TCERG1L: variants seen among roughly 807,000 people sequenced by gnomAD.
The protein encoded by TCERG1L is transcription elongation regulator 1-like protein.
TCERG1L carries 37 observed loss-of-function variants against 56.3 expected under a neutral mutation model. That is an observed-to-expected ratio of 0.66 (90% CI 0.51 to 0.87). TCERG1L has a LOEUF of 0.87. TCERG1L is among the 40% of genes least tolerant of loss of function. The pLI is 0.00. For missense variants in TCERG1L, 799 were observed against 774.2 expected, an observed-to-expected ratio of 1.03 and a Z score of -0.38; for synonymous variants, 324 against 326.3, an observed-to-expected ratio of 0.99 and a Z score of 0.08.
At chr10:131,269,440 A>G (rs544926095) in intron 3 of TCERG1L, among the ~76,000 whole-genome samples, 14 of 152,150 alleles carry the variant, frequency 9.2e-5, no homozygotes, top group Admixed American at 5.9e-4. Flanking sequence ...GCCCGTCTCA[A>G]CCTCCCAAAG....
At chr10:131,119,844 C>T (rs916895064) in intron 8 of TCERG1L, among the ~76,000 whole-genome samples, 1 of 152,200 alleles carries the variant, frequency 6.6e-6, no homozygotes, top group Admixed American at 6.5e-5. Context: ...CTGCAGGCTG[C>T]GAGCCAGGGA....
chr10:131,099,103 T>C (rs1589774016), intron 10 of TCERG1L, among the ~76,000 whole-genome samples: 1 of 152,284 alleles, frequency 6.6e-6, no homozygotes, highest in East Asian at 1.9e-4. Context: ...GGCCTGACCC[T>C]CGGGCACTGG....
At chr10:131,128,514 C>A (rs981194563) in intron 8 of TCERG1L, among the ~76,000 whole-genome samples, 4 of 151,936 alleles carry the variant, frequency 2.6e-5, no homozygotes, top group African/African-American at 9.7e-5. Flanking sequence ...TAACTAAAAT[C>A]GACTAAAACA....
At chr10:131,218,116 C>T (rs1465080063) in intron 4 of TCERG1L, among the ~76,000 whole-genome samples, 1 of 152,156 alleles carries the variant, frequency 6.6e-6, no homozygotes, top group African/African-American at 2.4e-5. Context: ...TGGTTGGACA[C>T]AGCCCATTTT....
intron 4 of TCERG1L, among the ~76,000 whole-genome samples, chr10:131,207,105 G>A (rs1448354905): frequency 6.6e-6 from 1 of 152,198 alleles, no homozygotes; most frequent in Non-Finnish European, 1.5e-5. Context: ...GCTGGCCACT[G>A]GCCAAGAAAG....
At chr10:131,221,799 C>T (rs1369760288) in intron 4 of TCERG1L, among the ~76,000 whole-genome samples, 1 of 152,212 alleles carries the variant, frequency 6.6e-6, no homozygotes, top group Non-Finnish European at 1.5e-5. Context: ...GAAAATTGTA[C>T]AGGAGAAGTG....
At chr10:131,302,792 A>C (rs1846779459) in intron 3 of TCERG1L, among the ~76,000 whole-genome samples, 1 of 151,506 alleles carries the variant, frequency 6.6e-6, no homozygotes, top group African/African-American at 2.4e-5. Flanking sequence ...CCCACCCCGC[A>C]ACAGGCCCTG....
intron 1 of TCERG1L, 127 bp from the exon 2 acceptor site, chr10:131,309,426 A>G: frequency 7.8e-7 from 1 of 1,285,128 alleles, no homozygotes; most frequent in Non-Finnish European, 1.0e-6. Context: ...ATTATCAGAT[A>G]AATTTCCTCG....
intron 3 of TCERG1L, among the ~76,000 whole-genome samples, chr10:131,275,790 A>G (rs1323861206): frequency 6.6e-6 from 1 of 152,252 alleles, no homozygotes; most frequent in South Asian, 2.1e-4. Flanking sequence ...AATGAGCACC[A>G]GGAGCCCAGC....
chr10:131,144,647 T>C (rs944016537), intron 7 of TCERG1L, among the ~76,000 whole-genome samples: 4 of 152,162 alleles, frequency 2.6e-5, no homozygotes, highest in African/African-American at 9.7e-5. Flanking sequence ...GGAAGTAAGA[T>C]TAAAAATCGT....
chr10:131,310,422 C>T (rs534810267), intron 1 of TCERG1L, among the ~76,000 whole-genome samples: 171 of 152,304 alleles, frequency 1.1e-3, no homozygotes, highest in African/African-American at 4.0e-3. Context: ...TTTAGAAAAG[C>T]TCACAAGATA....
intron 9 of TCERG1L, among the ~76,000 whole-genome samples, chr10:131,105,442 G>A (rs554533485): frequency 6.6e-6 from 1 of 152,116 alleles, no homozygotes; most frequent in Admixed American, 6.5e-5. Flanking sequence ...AAATGTCCTG[G>A]GGGGGATACT....
At chr10:131,252,726 T>C (rs887598716) in intron 4 of TCERG1L, among the ~76,000 whole-genome samples, 1 of 152,194 alleles carries the variant, frequency 6.6e-6, no homozygotes, top group Non-Finnish European at 1.5e-5. Flanking sequence ...CCAACAGTGC[T>C]GTTATCACAA....
At chr10:131,133,505 A>C (rs904099749) in intron 8 of TCERG1L, among the ~76,000 whole-genome samples, 3 of 152,100 alleles carry the variant, frequency 2.0e-5, no homozygotes, top group African/African-American at 7.2e-5. Flanking sequence ...ACGTCCAGGC[A>C]TCATGGGACC....
intron 5 of TCERG1L, among the ~76,000 whole-genome samples, chr10:131,165,236 C>T (rs763526345): frequency 6.6e-6 from 1 of 152,052 alleles, no homozygotes; most frequent in Non-Finnish European, 1.5e-5. Flanking sequence ...GAGGGAAGGA[C>T]AAGAAACACA....
rs374581383 is a variant in TCERG1L, at chr10:131,246,391, A to C, written c.856+13868T>G. Among the ~76,000 whole-genome samples the C allele has an allele frequency of 2.6e-4, 40 of 152,112 alleles. No individual in the cohort carries two copies. The South Asian group carries it at 7.9e-3, about 30-fold the overall frequency. On this transcript the variant is annotated intron_variant, in intron 4 of 11. Coordinates refer to ENST00000368642, the MANE Select transcript of TCERG1L (RefSeq NM_174937.4). ...GTGCTGGAGAGGGCGGCCATGCTGGACCTGGAGGGGTCTGCTGGTCAGGCC... is the reference window on the plus strand; with the variant it reads ...GTGCTGGAGAGGGCGGCCATGCTGGCCCTGGAGGGGTCTGCTGGTCAGGCC...
At chr10:131,245,625 C>G (rs952499379) in intron 4 of TCERG1L, among the ~76,000 whole-genome samples, 2 of 152,196 alleles carry the variant, frequency 1.3e-5, no homozygotes, top group African/African-American at 4.8e-5. Context: ...CAGGCCGCCG[C>G]CACATGTGGC....
chr10:131,243,646 C>A (rs764115028), intron 4 of TCERG1L, among the ~76,000 whole-genome samples: 1 of 152,184 alleles, frequency 6.6e-6, no homozygotes, highest in Non-Finnish European at 1.5e-5. Context: ...AACCCTGCAA[C>A]CTTGATGTGA....
intron 8 of TCERG1L, among the ~76,000 whole-genome samples, chr10:131,125,749 G>A (rs929915175): frequency 2.0e-5 from 3 of 152,208 alleles, no homozygotes; most frequent in South Asian, 2.1e-4. Context: ...TGATGGCATC[G>A]AGATGGATGC....
Sources: gnomAD v4.1 joint callset for allele counts (sites outside exome capture counted in the v4.1 genomes callset) on GRCh38, gnomAD v4.1.1 for gene constraint, MANE v1.5 for transcripts, NCBI Gene and HGNC (gene_info 2026-07-23, HGNC 2026-07-21) for gene names.